MVB12B: variants seen among roughly 807,000 people sequenced by gnomAD.
MVB12B encodes the protein multivesicular body subunit 12B.
Under a neutral mutation model 41.6 loss-of-function variants are expected in MVB12B, and 16 were observed. That is an observed-to-expected ratio of 0.38 (90% CI 0.26 to 0.58). The LOEUF is 0.58. Among genes scored for constraint, MVB12B ranks in the 20% least tolerant of loss-of-function variants. MVB12B has a pLI of 0.62. For missense variants in MVB12B, 274 were observed against 380.2 expected, an observed-to-expected ratio of 0.72 and a Z score of 2.32; for synonymous variants, 133 against 139.7, an observed-to-expected ratio of 0.95 and a Z score of 0.34.
chr9:126,420,818 T>A (rs897913183), intron 6 of MVB12B, among the ~76,000 whole-genome samples: 1 of 151,862 alleles, frequency 6.6e-6, no homozygotes, highest in Non-Finnish European at 1.5e-5. Context: ...GCTGGGATTA[T>A]AAGCGTGAGC....
chr9:126,336,629 A>C (rs540745553), intron 1 of MVB12B, among the ~76,000 whole-genome samples: 2 of 152,306 alleles, frequency 1.3e-5, no homozygotes, highest in African/African-American at 4.8e-5. Flanking sequence ...TGTGGTTTGC[A>C]TGGTGCTCTT....
chr9:126,328,195 T>G (rs1170036103), intron 1 of MVB12B, among the ~76,000 whole-genome samples: 2 of 152,164 alleles, frequency 1.3e-5, no homozygotes, highest in Admixed American at 1.3e-4. Context: ...GTGGGGTCCT[T>G]GGAGATACTG....
intron 9 of MVB12B, among the ~76,000 whole-genome samples, chr9:126,491,792 G>C (rs965150990): frequency 2.6e-5 from 4 of 152,122 alleles, no homozygotes; most frequent in African/African-American, 9.7e-5. Context: ...TAAAGTAGAT[G>C]CCTTGCAGAA....
At chr9:126,457,904 C>T (rs550591067) in intron 7 of MVB12B, among the ~76,000 whole-genome samples, 1 of 152,274 alleles carries the variant, frequency 6.6e-6, no homozygotes, top group African/African-American at 2.4e-5. Flanking sequence ...CCACCAAAAC[C>T]AGATAATAAA....
intron 9 of MVB12B, among the ~76,000 whole-genome samples, chr9:126,491,250 T>A (rs550370709): frequency 2.4e-4 from 37 of 152,352 alleles, no homozygotes; most frequent in African/African-American, 8.9e-4. Flanking sequence ...TCTTCAAATA[T>A]ACGAGGTTAG....
chr9:126,386,972 G>A lies in MVB12B; in HGVS notation c.409+314G>A, dbSNP rs887103990. On this transcript the variant is annotated intron_variant, in intron 4 of 9. Coordinates refer to ENST00000361171, the MANE Select transcript of MVB12B (RefSeq NM_033446.3). The surrounding 1 kb of genome is among the most constrained non-coding windows in gnomAD (Gnocchi z 4.3). ...TGTCTTTAGTCCTTCCTCTGGTGTT[G>A]CTGAAGCCAAGCTTGGCATAAGACC... Among the ~76,000 whole-genome samples the A allele has an allele frequency of 6.6e-6, 1 of 152,112 alleles. No individual in the cohort carries two copies. Among genetic ancestry groups the A allele is most frequent in the Admixed American group, 6.5e-5 (1 of 15,284 alleles).
intron 9 of MVB12B, among the ~76,000 whole-genome samples, chr9:126,489,987 C>T (rs1833698908): frequency 6.6e-6 from 1 of 152,162 alleles, no homozygotes; most frequent in Non-Finnish European, 1.5e-5. Context: ...GGGCTGTTGT[C>T]CCAGTGAAGC....
chr9:126,498,217 G>A (rs897064563), intron 9 of MVB12B, among the ~76,000 whole-genome samples: 12 of 152,346 alleles, frequency 7.9e-5, no homozygotes, highest in Middle Eastern at 3.4e-3. Context: ...TATCATAGCC[G>A]AGGCCGTGGG....
intron 7 of MVB12B, among the ~76,000 whole-genome samples, chr9:126,479,577 C>G (rs1833482953): frequency 6.6e-6 from 1 of 152,246 alleles, no homozygotes; most frequent in South Asian, 2.1e-4. Flanking sequence ...CCTCACCCCA[C>G]TTTCTGGGGA....
chr9:126,403,200 C>T (rs967751175), intron 6 of MVB12B, among the ~76,000 whole-genome samples: 2 of 152,190 alleles, frequency 1.3e-5, no homozygotes, highest in African/African-American at 2.4e-5. Flanking sequence ...TCCTGTTATC[C>T]GACCGCCCCC....
At chr9:126,361,327 AG>A (rs1830024393) in intron 2 of MVB12B, among the ~76,000 whole-genome samples, 1 of 152,218 alleles carries the variant, frequency 6.6e-6, no homozygotes, top group African/African-American at 2.4e-5. Flanking sequence ...GTGTAGTGTA[AG>A]AACAGGATGT....
intron 2 of MVB12B, among the ~76,000 whole-genome samples, chr9:126,357,446 G>C (rs1446145997): frequency 6.6e-6 from 1 of 152,190 alleles, no homozygotes; most frequent in Non-Finnish European, 1.5e-5. Context: ...CCAAGTGGTT[G>C]TATCATTTTA....
At chr9:126,416,649 G>A (rs527414251) in intron 6 of MVB12B, among the ~76,000 whole-genome samples, 2 of 152,102 alleles carry the variant, frequency 1.3e-5, no homozygotes, top group African/African-American at 2.4e-5. Context: ...AACCACCTCC[G>A]GAGGACACAT....
At chr9:126,331,083 CTT>C (rs1829118270) in intron 1 of MVB12B, among the ~76,000 whole-genome samples, 2 of 152,146 alleles carry the variant, frequency 1.3e-5, no homozygotes, top group Non-Finnish European at 2.9e-5. Flanking sequence ...CTACAATTCT[CTT>C]TGAGACCCCG....
intron 1 of MVB12B, among the ~76,000 whole-genome samples, chr9:126,329,382 A>G (rs938808320): frequency 6.6e-6 from 1 of 152,264 alleles, no homozygotes; most frequent in African/African-American, 2.4e-5. Context: ...TTCAGCATCC[A>G]GCAGCAGATC....
At chr9:126,440,329 C>T (rs1181266319) in intron 7 of MVB12B, among the ~76,000 whole-genome samples, 1 of 152,164 alleles carries the variant, frequency 6.6e-6, no homozygotes, top group East Asian at 1.9e-4. Context: ...ATAGCCTTGG[C>T]GGTGGCACTG....
In MVB12B at chr9:126,468,570, A is replaced by G. The variant is rs144536927; in HGVS notation, c.758-12799A>G. Among the ~76,000 whole-genome samples the G allele has an allele frequency of 8.6e-3, 1,310 of 152,170 alleles. 12 individuals carry two copies. Among genetic ancestry groups the G allele is most frequent in the Admixed American group, 0.018 (270 of 15,300 alleles). ...GCCAGGTCTCTTGATTCTTCCATCTAAATGTCCCTTGGCCTTCCCCAGCCA... is the reference window on the plus strand; with the variant it reads ...GCCAGGTCTCTTGATTCTTCCATCTGAATGTCCCTTGGCCTTCCCCAGCCA... On this transcript the variant is annotated intron_variant, in intron 7 of 9. Transcript: ENST00000361171. This position sits in a 1 kb window ranked among gnomAD's most constrained non-coding sequence, Gnocchi z 4.3.
At chr9:126,499,621 G>A (rs1833909615) in intron 9 of MVB12B, among the ~76,000 whole-genome samples, 1 of 152,192 alleles carries the variant, frequency 6.6e-6, no homozygotes, top group South Asian at 2.1e-4. Context: ...GGAGGAGCGG[G>A]CAGGGACCGC....
At chr9:126,331,459 A>G (rs987141307) in intron 1 of MVB12B, among the ~76,000 whole-genome samples, 4 of 152,170 alleles carry the variant, frequency 2.6e-5, no homozygotes, top group African/African-American at 7.2e-5. Flanking sequence ...TTTTTAAATT[A>G]AGGAATTTGT....
Sources: allele counts gnomAD v4.1 joint callset (sites outside exome capture counted in the v4.1 genomes callset), GRCh38; gene constraint gnomAD v4.1.1; non-coding constraint Gnocchi (gnomAD v3.1); transcripts MANE v1.5; gene names NCBI Gene and HGNC (gene_info 2026-07-23, HGNC 2026-07-21).